The following DGKG variants were observed in gnomAD, a reference collection of about 807,000 sequenced individuals.
The protein encoded by DGKG is diacylglycerol kinase gamma.
A neutral mutation model predicts 105.3 loss-of-function variants in DGKG; 78 were observed. That is an observed-to-expected ratio of 0.74 (90% confidence interval 0.62 to 0.89). The LOEUF is 0.89. Among genes scored for constraint, DGKG ranks in the 40% least tolerant of loss-of-function variants. The probability of loss-of-function intolerance (pLI) is 0.00; values close to 1 mark genes in which losing one functional copy is unlikely to be tolerated. For synonymous variants in DGKG, 346 were observed against 367.1 expected (o/e 0.94, Z 0.66); for missense variants, 958 against 1,020.1 (o/e 0.94, Z 0.83).
At chr3:186,258,905 G>A (rs1721608958) in intron 16 of DGKG, among the ~76,000 whole-genome samples, 1 of 152,102 alleles carries the variant, frequency 6.6e-6, no homozygotes, top group Non-Finnish European at 1.5e-5. Context: ...GGGGGTTCCT[G>A]GCACAAAAAA....
At chr3:186,328,737 G>A (rs888914160) in intron 1 of DGKG, among the ~76,000 whole-genome samples, 11 of 151,886 alleles carry the variant, frequency 7.2e-5, no homozygotes, top group Admixed American at 3.9e-4. Flanking sequence ...CACCACGCCC[G>A]GCTAATTTTT....
At position 186,361,717 on chromosome 3, in the gene DGKG, G is replaced by C. The variant is rs947328564; in HGVS notation, c.-249+229C>G. Among the ~76,000 whole-genome samples, 91 of 152,224 alleles carry C rather than the reference G, an allele frequency of 6.0e-4. No homozygotes were observed. The highest frequency in any genetic ancestry group is 2.1e-3 in the African/African-American group (87 of 41,472). Reference sequence around the variant, plus strand: ...TGAGGGGGCCTCTCAGTCGCAGAGAGAGCCGAGCCCCACCCTGTGCGTTCC... The same window carrying C: ...TGAGGGGGCCTCTCAGTCGCAGAGACAGCCGAGCCCCACCCTGTGCGTTCC... On this transcript the variant is annotated intron_variant, in intron 1 of 24. Transcript: ENST00000265022. The surrounding 1 kb of genome is among the most constrained non-coding windows in gnomAD (Gnocchi z 6.8).
chr3:186,257,650 T>G, intron 17 of DGKG: 8 of 505,612 alleles, frequency 1.6e-5, no homozygotes, highest in Non-Finnish European at 1.8e-5. Flanking sequence ...GTTACCTCCG[T>G]ATTGGAGGGA....
At chr3:186,160,491 T>C in intron 24 of DGKG, 1 of 985,420 alleles carries the variant, frequency 1.0e-6, no homozygotes, top group Non-Finnish European at 1.2e-6. Flanking sequence ...ATTTTTTTCT[T>C]GGTCTTCATA....
intron 1 of DGKG, among the ~76,000 whole-genome samples, chr3:186,337,698 T>C (rs969505715): frequency 6.6e-6 from 1 of 152,124 alleles, no homozygotes; most frequent in African/African-American, 2.4e-5. Flanking sequence ...TATTTTTAAG[T>C]GATATGATAG....
chr3:186,189,373 C>T (rs1717798103), intron 21 of DGKG, among the ~76,000 whole-genome samples: 1 of 152,168 alleles, frequency 6.6e-6, no homozygotes, highest in Admixed American at 6.5e-5. Context: ...TCGTGCTTAC[C>T]AACACAGCAA....
chr3:186,162,041 T>A (rs574966736), intron 23 of DGKG, among the ~76,000 whole-genome samples: 2 of 152,100 alleles, frequency 1.3e-5, no homozygotes, highest in Admixed American at 6.5e-5. Context: ...ATTACAGGCA[T>A]GTGCCACCAC....
At chr3:186,167,391 T>G (rs1173516619) in intron 22 of DGKG, among the ~76,000 whole-genome samples, 1 of 152,214 alleles carries the variant, frequency 6.6e-6, no homozygotes, top group East Asian at 1.9e-4. Context: ...CCCAAAGTTA[T>G]AAGACCACAA....
chr3:186,274,692 C>G (rs1398802468), intron 10 of DGKG, among the ~76,000 whole-genome samples: 3 of 152,046 alleles, frequency 2.0e-5, no homozygotes, highest in Non-Finnish European at 4.4e-5. Flanking sequence ...CCAGCTTCAT[C>G]CATGTCCCTA....
intron 2 of DGKG, 148 bp from the exon 3 acceptor site, chr3:186,307,125 G>C (rs1444472930): frequency 2.6e-5 from 16 of 626,234 alleles, no homozygotes; most frequent in Non-Finnish European, 4.3e-5. Flanking sequence ...TCTACCCTTT[G>C]TCCTCTCACT....
intron 17 of DGKG, among the ~76,000 whole-genome samples, chr3:186,254,663 C>T (rs1486911942): frequency 1.3e-5 from 2 of 152,194 alleles, no homozygotes; most frequent in African/African-American, 4.8e-5. Flanking sequence ...TCTCTTCTCT[C>T]TATCCCCATG....
chr3:186,353,565 GTA>G (rs66460527), intron 1 of DGKG, among the ~76,000 whole-genome samples: 7,798 of 116,786 alleles, frequency 0.067, 369 homozygotes, highest in African/African-American at 0.18. Context: ...TTTTATGTAT[GTA>G]TATATATATA....
intron 2 of DGKG, among the ~76,000 whole-genome samples, 177 bp from the exon 3 acceptor site, chr3:186,307,154 T>C (rs916522852): frequency 1.3e-5 from 2 of 152,170 alleles, no homozygotes; most frequent in South Asian, 4.1e-4. Flanking sequence ...TCCATCTGAC[T>C]TCCCCCCTGC....
At chr3:186,206,301 T>C (rs1003950187) in intron 21 of DGKG, among the ~76,000 whole-genome samples, 6 of 152,044 alleles carry the variant, frequency 3.9e-5, no homozygotes, top group Non-Finnish European at 7.4e-5. Context: ...GGAGAATCAC[T>C]TGAACCTGGG....
intron 2 of DGKG, 31 bp from the exon 3 acceptor site, chr3:186,307,008 T>G (rs756579455): frequency 6.8e-7 from 1 of 1,468,440 alleles, no homozygotes; most frequent in South Asian, 1.1e-5. Flanking sequence ...TGTGAAACAC[T>G]GGCAAATAGC....
At chr3:186,355,284 A>ACCGC (rs1726877505) in intron 1 of DGKG, among the ~76,000 whole-genome samples, 1 of 28,040 alleles carries the variant, frequency 3.6e-5, no homozygotes, top group African/African-American at 2.4e-4. Flanking sequence ...CAGCACGATC[A>ACCGC]TCATCACCAC....
intron 1 of DGKG, among the ~76,000 whole-genome samples, chr3:186,350,083 C>CTTCAT (rs1172327920): frequency 6.6e-6 from 1 of 151,878 alleles, no homozygotes; most frequent in Admixed American, 6.6e-5. Context: ...AGAGATGGGA[C>CTTCAT]TTCATCATGT....
intron 1 of DGKG, among the ~76,000 whole-genome samples, chr3:186,334,097 T>G (rs1187940023): frequency 6.6e-6 from 1 of 152,134 alleles, no homozygotes; most frequent in Non-Finnish European, 1.5e-5. Context: ...CCTCATCCCC[T>G]TTTTGTTTCC....
intron 1 of DGKG, among the ~76,000 whole-genome samples, chr3:186,360,817 T>G (rs1418680234): frequency 6.6e-6 from 1 of 152,174 alleles, no homozygotes; most frequent in Non-Finnish European, 1.5e-5. Context: ...TCTCTCATCA[T>G]GACCCCTGGT....
Sources: allele counts gnomAD v4.1 joint callset (sites outside exome capture counted in the v4.1 genomes callset), GRCh38; gene constraint gnomAD v4.1.1; non-coding constraint Gnocchi (gnomAD v3.1); transcripts MANE v1.5; gene names NCBI Gene and HGNC (gene_info 2026-07-23, HGNC 2026-07-21).